The following MIOS variants were observed in gnomAD, a reference collection of about 807,000 sequenced individuals.
The protein encoded by MIOS is meiosis regulator for oocyte development.
A neutral mutation model predicts 96.9 loss-of-function variants in MIOS; 52 were observed. The ratio of observed to expected loss-of-function variants is 0.54; its 90% CI spans 0.43 to 0.68. MIOS has a LOEUF of 0.68. MIOS is among the 30% of genes least tolerant of loss of function. The probability of loss-of-function intolerance (pLI) is 0.00; values close to 1 mark genes in which losing one functional copy is unlikely to be tolerated. For missense variants in MIOS, 1,005 were observed against 1,052.8 expected (o/e 0.95, Z 0.63); for synonymous variants, 397 against 359.5 (o/e 1.10, Z -1.18).
intron 9 of MIOS, among the ~76,000 whole-genome samples, chr7:7,593,660 G>A (rs1412791962): frequency 2.0e-5 from 3 of 151,858 alleles, no homozygotes; most frequent in South Asian, 2.1e-4. Context: ...TTGGGAGGCC[G>A]AGGTGGGCAG....
At position 7,589,565 on chromosome 7, in the gene MIOS, T is replaced by A. The variant is rs1041817085; in HGVS notation, c.2043+2T>A. ...ACAGCAAGTTACTGTATGTTACAGGTCAGTGCAGTTTGACAGCAGCTTTTA... is the reference window on the plus strand; with the variant it reads ...ACAGCAAGTTACTGTATGTTACAGGACAGTGCAGTTTGACAGCAGCTTTTA... On this transcript the variant is annotated splice_donor_variant, in intron 9 of 12. Coordinates refer to ENST00000340080, the MANE Select transcript of MIOS (RefSeq NM_019005.4). LOFTEE classifies it high-confidence loss of function. 3 of 1,591,468 alleles carry A rather than the reference T, an allele frequency of 1.9e-6. No homozygotes were observed. The highest frequency in any genetic ancestry group is 2.6e-6 in the Non-Finnish European group (3 of 1,167,968).
At chr7:7,574,296 T>A (rs1002207857) in intron 5 of MIOS, 100 bp downstream of exon 5, 6 of 826,166 alleles carry the variant, frequency 7.3e-6, no homozygotes, top group Non-Finnish European at 9.1e-6. Flanking sequence ...TATTTCAGGA[T>A]CATGTACATA....
At position 7,588,485 on chromosome 7, in the gene MIOS, C is replaced by T; in HGVS notation, c.1819-13C>T. 2 of 1,551,416 alleles carry T rather than the reference C, an allele frequency of 1.3e-6. No individual in the cohort carries two copies. The highest frequency in any genetic ancestry group is 1.7e-6 in the Non-Finnish European group (2 of 1,146,536). On this transcript the variant is annotated splice_polypyrimidine_tract_variant and intron_variant, in intron 7 of 12. Coordinates refer to ENST00000340080, the MANE Select transcript of MIOS (RefSeq NM_019005.4). The stretch of plus-strand genomic sequence containing the variant: ...GCCTAGAAGTAACTCCTTGCTTTTT[C>T]TCTTCTTTCCAGTATGAAAACAAAG...
chr7:7,606,997 G>A lies in MIOS; in HGVS notation c.2533G>A (p.Asp845Asn), dbSNP rs1016860846. 15 of 1,606,006 alleles carry A rather than the reference G, an allele frequency of 9.3e-6. No individual in the cohort carries two copies. The highest frequency in any genetic ancestry group is 3.4e-5 in the Admixed American group (2 of 58,092). The change falls in exon 13 of 13, where the codon GAC becomes AAC. Residue 845 changes from aspartate to asparagine, a missense_variant and splice_region_variant. Physicochemically the swap from Asp to Asn is conservative, Grantham distance 23. Transcript: ENST00000340080. Reference sequence around the variant, plus strand: ...CTGTTATTTGACCTATTTTTTTAGGGACCATGCAGAGTGCCCTGTGTCGGC... The same window carrying A: ...CTGTTATTTGACCTATTTTTTTAGGAACCATGCAGAGTGCCCTGTGTCGGC... Reference protein sequence around the residue: ...HAGHMLSWFRDHAECPVSACT... With the variant: ...HAGHMLSWFRNHAECPVSACT...
chr7:7,575,392 T>G (rs1347576761), intron 5 of MIOS, among the ~76,000 whole-genome samples: 1 of 152,122 alleles, frequency 6.6e-6, no homozygotes. Context: ...TCAGTTTGAT[T>G]TTATTGTTTT....
rs1325744284 is a variant in MIOS, at chr7:7,566,925, G to C, written c.-368G>C. The C allele has an allele frequency of 6.6e-6, 1 of 152,180 alleles. No homozygotes were observed. The highest frequency in any genetic ancestry group is 1.5e-5 in the Non-Finnish European group (1 of 68,034). 9.4% of individuals were successfully genotyped at this position (152,180 alleles called of 1,614,324 possible). ...GCGCCGCTGCGCGTCCTCCAGGCGT[G>C]GTGGTGGGGTCGTGGGTCCCAGCCC... On this transcript the variant is annotated 5_prime_UTR_variant, in exon 1 of 13. Transcript: ENST00000340080.
chr7:7,605,913 T>C, intron 11 of MIOS, 29 bp from the exon 12 acceptor site: 5 of 1,596,754 alleles, frequency 3.1e-6, no homozygotes, highest in Non-Finnish European at 4.3e-6. Flanking sequence ...TATGATATAG[T>C]TAATGAAGAT....
intron 3 of MIOS, among the ~76,000 whole-genome samples, chr7:7,570,590 G>A (rs531017752): frequency 2.0e-4 from 31 of 152,054 alleles, no homozygotes; most frequent in African/African-American, 7.5e-4. Context: ...TGTAGAATCA[G>A]TGGGAGCCCT....
intron 9 of MIOS, 137 bp downstream of exon 9, chr7:7,589,700 A>G (rs900701801): frequency 1.1e-5 from 10 of 884,174 alleles, no homozygotes; most frequent in African/African-American, 8.4e-5. Context: ...CAGTTGATCT[A>G]CTGAAGACTT....
chr7:7,571,559 A>G (rs79125971), intron 3 of MIOS, among the ~76,000 whole-genome samples: 1,673 of 152,340 alleles, frequency 0.011, 40 homozygotes, highest in African/African-American at 0.038. Flanking sequence ...ATTAAAGTCA[A>G]TTTTCAGATT....
intron 7 of MIOS, among the ~76,000 whole-genome samples, chr7:7,587,722 G>GA (rs149800881): frequency 1.3e-5 from 2 of 151,912 alleles, no homozygotes; most frequent in Non-Finnish European, 2.9e-5. Context: ...TTTTATCATA[G>GA]AAAAAATATG....
At chr7:7,605,791 C>G in intron 11 of MIOS, 151 bp from the exon 12 acceptor site, 1 of 664,828 alleles carries the variant, frequency 1.5e-6, no homozygotes, top group Non-Finnish European at 2.3e-6. Context: ...TTCAGTTTCG[C>G]TTCATCTAAA....
intron 5 of MIOS, among the ~76,000 whole-genome samples, chr7:7,581,120 G>A (rs890753975): frequency 6.7e-6 from 1 of 150,304 alleles, no homozygotes; most frequent in Admixed American, 6.6e-5. Flanking sequence ...TCGGGACTTC[G>A]AGAACAGCCC....
chr7:7,580,064 T>A (rs2108069), intron 5 of MIOS, among the ~76,000 whole-genome samples: 97,430 of 152,056 alleles, frequency 0.64, 32,043 homozygotes, highest in Admixed American at 0.75. Context: ...AATTGTATTA[T>A]CACTAAATAC....
At chr7:7,598,148 T>TAA (rs978682029) in intron 11 of MIOS, among the ~76,000 whole-genome samples, 4 of 152,212 alleles carry the variant, frequency 2.6e-5, no homozygotes, top group African/African-American at 9.6e-5. Context: ...TCATTTTGGG[T>TAA]ATTTGGCACA....
In MIOS at chr7:7,607,688, G is replaced by A. The variant is rs535147744; in HGVS notation, c.*596G>A. 2.0e-5 allele frequency: 3 copies of A among 152,122 alleles called. No individual in the cohort carries two copies. In the South Asian group the frequency reaches 6.2e-4, roughly 32 times the overall value. 9.4% of individuals were successfully genotyped at this position (152,122 alleles called of 1,614,324 possible). A position where few individuals can be genotyped will look rare whatever the true frequency, so the allele number is the denominator to read the frequency against. The stretch of plus-strand genomic sequence containing the variant: ...TATGTATAAATATGTATTTTTTAAA[G>A]GAGCCTTTTCCCTCCTTTGATTTTA... On this transcript the variant is annotated 3_prime_UTR_variant, in exon 13 of 13. Transcript: ENST00000340080.
At position 7,607,728 on chromosome 7, in the gene MIOS, T is replaced by C. The variant is rs891799780; in HGVS notation, c.*636T>C. 6.6e-6 allele frequency: 1 copy of C among 152,140 alleles called. No individual in the cohort carries two copies. The highest frequency in any genetic ancestry group is 1.5e-5 in the Non-Finnish European group (1 of 68,022). 9.4% of individuals were successfully genotyped at this position (152,140 alleles called of 1,614,324 possible). On this transcript the variant is annotated 3_prime_UTR_variant, in exon 13 of 13. Transcript: ENST00000340080. ...CTTTGATTTTAAGATAAGCAATCTT[T>C]TGGCATAACATTATCGTCTTCCTAG...
intron 9 of MIOS, among the ~76,000 whole-genome samples, chr7:7,590,910 C>T (rs1189673073): frequency 1.3e-5 from 2 of 152,182 alleles, no homozygotes; most frequent in Non-Finnish European, 2.9e-5. Context: ...AATGTCACAA[C>T]AGTGTGATTT....
At chr7:7,585,547 C>A in intron 6 of MIOS, 89 bp from the exon 7 acceptor site, 1 of 1,219,252 alleles carries the variant, frequency 8.2e-7, no homozygotes. Context: ...GTAAAAGTCA[C>A]CCTCTGATTT....
Sources: gnomAD v4.1 joint callset for allele counts (sites outside exome capture counted in the v4.1 genomes callset) on GRCh38, gnomAD v4.1.1 for gene constraint, MANE v1.5 for transcripts, NCBI Gene and HGNC (gene_info 2026-07-23, HGNC 2026-07-21) for gene names.